Variants in RYK observed in about 807,000 individuals in gnomAD.
The protein encoded by RYK is inactive tyrosine-protein kinase RYK.
In RYK, 21 loss-of-function variants were observed where a neutral mutation model predicts 70.2. That is an observed-to-expected ratio of 0.30 (90% CI 0.21 to 0.43). The LOEUF (loss-of-function observed/expected upper bound fraction) is 0.43, where lower values mean the gene tolerates loss of function less well. Among genes scored for constraint, RYK ranks in the 20% least tolerant of loss-of-function variants. The pLI is 1.00. For synonymous variants in RYK, 267 were observed against 278.0 expected, an observed-to-expected ratio of 0.96 and a Z score of 0.39; for missense variants, 604 against 753.3, an observed-to-expected ratio of 0.80 and a Z score of 2.32.
chr3:134,200,511 T>G (rs562628498), intron 6 of RYK, among the ~76,000 whole-genome samples: 237 of 152,336 alleles, frequency 1.6e-3, no homozygotes, highest in Non-Finnish European at 2.1e-3. Context: ...GCTTCATTCT[T>G]GAAGTCAGCA....
intron 7 of RYK, among the ~76,000 whole-genome samples, chr3:134,194,465 C>T (rs191668288): frequency 8.6e-4 from 131 of 152,254 alleles, no homozygotes; most frequent in Non-Finnish European, 1.6e-3. Context: ...TGTTCACTTC[C>T]TAACTCAGAC....
chr3:134,217,745 AAC>A (rs1257507198), intron 2 of RYK, among the ~76,000 whole-genome samples: 4 of 152,200 alleles, frequency 2.6e-5, no homozygotes, highest in Non-Finnish European at 5.9e-5. Context: ...AGGCAAGGGG[AAC>A]TAAGTGGCTG....
chr3:134,199,379 G>T (rs1327805588), intron 6 of RYK, among the ~76,000 whole-genome samples: 1 of 152,232 alleles, frequency 6.6e-6, no homozygotes, highest in East Asian at 1.9e-4. Flanking sequence ...AAAGCACAGG[G>T]AACAGTGCCT....
In RYK at chr3:134,175,384, T is replaced by C. The variant is rs985910943; in HGVS notation, c.1575+225A>G. Among the ~76,000 whole-genome samples, 13 of 151,390 alleles carry C rather than the reference T, an allele frequency of 8.6e-5. No individual in the cohort carries two copies. In the East Asian group the frequency reaches 2.1e-3, roughly 25 times the overall value. Reference sequence around the variant, plus strand: ...AAAAGTGCTTCTGTCAGAGCAGTACTGTGAGGATGAAATGAGATTACAAAC... The same window carrying C: ...AAAAGTGCTTCTGTCAGAGCAGTACCGTGAGGATGAAATGAGATTACAAAC... On this transcript the variant is annotated intron_variant, in intron 13 of 14. Coordinates refer to ENST00000623711, the MANE Select transcript of RYK (RefSeq NM_002958.4).
chr3:134,196,735 G>GT (rs551540947), intron 6 of RYK, among the ~76,000 whole-genome samples: 173 of 152,242 alleles, frequency 1.1e-3, no homozygotes, highest in African/African-American at 4.0e-3. Context: ...AATGAGGACT[G>GT]TAAGTCTTTA....
At chr3:134,195,816 C>T (rs1265562036) in intron 6 of RYK, among the ~76,000 whole-genome samples, 1 of 152,042 alleles carries the variant, frequency 6.6e-6, no homozygotes, top group Non-Finnish European at 1.5e-5. Context: ...CATGGTGACG[C>T]GTGCCTGTAG....
chr3:134,170,016 A>T (rs867513641), intron 13 of RYK, among the ~76,000 whole-genome samples: 6 of 152,250 alleles, frequency 3.9e-5, no homozygotes, highest in African/African-American at 1.2e-4. Flanking sequence ...TAAGAATTAA[A>T]AAAAATTCAA....
chr3:134,201,561 T>C (rs2014021782), intron 6 of RYK, among the ~76,000 whole-genome samples: 1 of 150,814 alleles, frequency 6.6e-6, no homozygotes, highest in South Asian at 2.1e-4. Context: ...GAGAAAGGGG[T>C]GTTTGGGAGG....
At chr3:134,213,024 G>T (rs1042838308) in intron 2 of RYK, among the ~76,000 whole-genome samples, 2 of 152,138 alleles carry the variant, frequency 1.3e-5, no homozygotes, top group South Asian at 4.1e-4. Flanking sequence ...CAGTGACTTC[G>T]AGGTACCTTG....
intron 13 of RYK, among the ~76,000 whole-genome samples, chr3:134,165,967 T>A (rs1020583089): frequency 1.3e-5 from 2 of 152,216 alleles, no homozygotes; most frequent in African/African-American, 4.8e-5. Flanking sequence ...AAATGACACT[T>A]TGGACTTAAG....
chr3:134,228,826 G>A (rs548092898), intron 1 of RYK, among the ~76,000 whole-genome samples: 1 of 152,176 alleles, frequency 6.6e-6, no homozygotes, highest in East Asian at 1.9e-4. Context: ...GTAAAACACT[G>A]TATATCACAA....
In RYK at chr3:134,190,569, C is replaced by T. The variant is rs143445316; in HGVS notation, c.1015+1280G>A. Among the ~76,000 whole-genome samples, 64 of 151,874 alleles carry T rather than the reference C, an allele frequency of 4.2e-4. No homozygotes were observed. The East Asian group carries it at 0.011, about 27-fold the overall frequency. On this transcript the variant is annotated intron_variant, in intron 8 of 14. Transcript: ENST00000623711. ...ACAAACTAACGTAAAAAAAAAAAAT[C>T]GCATGTAACTATTGTTTTCTTTGCA...
At chr3:134,197,858 G>A (rs906925677) in intron 6 of RYK, among the ~76,000 whole-genome samples, 6 of 152,214 alleles carry the variant, frequency 3.9e-5, no homozygotes, top group Non-Finnish European at 7.3e-5. Flanking sequence ...TTAACAGTAG[G>A]TGGCACTCTT....
intron 1 of RYK, among the ~76,000 whole-genome samples, chr3:134,249,703 GGA>G (rs1217507124): frequency 6.6e-6 from 1 of 152,100 alleles, no homozygotes; most frequent in Non-Finnish European, 1.5e-5. Flanking sequence ...CTCAAAAGTA[GGA>G]GAGTGGCCCA....
At chr3:134,248,732 A>G (rs2015534498) in intron 1 of RYK, among the ~76,000 whole-genome samples, 3 of 152,112 alleles carry the variant, frequency 2.0e-5, no homozygotes, top group African/African-American at 7.2e-5. Flanking sequence ...CAGGAAGCAG[A>G]GATTGCAGTG....
intron 3 of RYK, among the ~76,000 whole-genome samples, chr3:134,211,017 T>C (rs907542270): frequency 1.3e-5 from 2 of 152,100 alleles, no homozygotes; most frequent in East Asian, 1.9e-4. Context: ...CTGCATGTAG[T>C]CTGGAACTGC....
intron 1 of RYK, among the ~76,000 whole-genome samples, chr3:134,240,378 C>T (rs892653678): frequency 2.0e-5 from 3 of 151,930 alleles, no homozygotes; most frequent in Non-Finnish European, 4.4e-5. Flanking sequence ...ATTATTATGC[C>T]TTATTTTGAA....
intron 1 of RYK, among the ~76,000 whole-genome samples, chr3:134,244,949 G>A (rs1363396134): frequency 6.6e-6 from 1 of 152,130 alleles, no homozygotes; most frequent in African/African-American, 2.4e-5. Flanking sequence ...AGAACACAGG[G>A]AGAAAGCAGT....
chr3:134,199,972 CACCAATCAGCACTCTGTAAAAACAG>C (rs1560013435), intron 6 of RYK, among the ~76,000 whole-genome samples: 1 of 151,104 alleles, frequency 6.6e-6, no homozygotes, highest in South Asian at 2.1e-4. Context: ...TTTGTAAACG[CACCAATCAGCACTCTGTAAAAACAG>C]ACCAATCAGC....
Sources: allele counts gnomAD v4.1 joint callset (sites outside exome capture counted in the v4.1 genomes callset), GRCh38; gene constraint gnomAD v4.1.1; transcripts MANE v1.5; gene names NCBI Gene and HGNC (gene_info 2026-07-23, HGNC 2026-07-21).